Variants in MYO5B observed in about 807,000 individuals in gnomAD.
The protein encoded by MYO5B is unconventional myosin-Vb.
Under a neutral mutation model 229.3 loss-of-function variants are expected in MYO5B, and 143 were observed. That is an observed-to-expected ratio of 0.62 (90% CI 0.54 to 0.72). MYO5B has a LOEUF of 0.72. Among genes scored for constraint, MYO5B ranks in the 30% least tolerant of loss-of-function variants. The pLI is 0.00. For synonymous variants in MYO5B, 918 were observed against 885.2 expected, an observed-to-expected ratio of 1.04 and a Z score of -0.66; for missense variants, 2,321 against 2,331.0, an observed-to-expected ratio of 1.00 and a Z score of 0.09.
At chr18:49,923,553 A>G (rs943896878) in intron 17 of MYO5B, among the ~76,000 whole-genome samples, 1 of 152,186 alleles carries the variant, frequency 6.6e-6, no homozygotes, top group African/African-American at 2.4e-5. Context: ...GGCGACACAC[A>G]CTGTCACTCT....
At chr18:50,187,621 T>TAGGA in intron 1 of MYO5B, among the ~76,000 whole-genome samples, 1 of 151,998 alleles carries the variant, frequency 6.6e-6, no homozygotes, top group Admixed American at 6.6e-5. Context: ...GCTCAAGCAA[T>TAGGA]CCTCCCACCT....
chr18:49,912,207 A>G, intron 17 of MYO5B, 34 bp from the exon 18 acceptor site: 1 of 1,543,784 alleles, frequency 6.5e-7, no homozygotes, highest in South Asian at 1.1e-5. Flanking sequence ...CAGGTGACAC[A>G]TCCTGCCTCT....
intron 1 of MYO5B, among the ~76,000 whole-genome samples, chr18:50,080,687 T>TAC (rs2031198961): frequency 6.6e-6 from 1 of 152,214 alleles, no homozygotes; most frequent in Admixed American, 6.5e-5. Flanking sequence ...AATGGAGTTA[T>TAC]ACTAAACAAT....
chr18:50,037,593 A>AAATG (rs1476779040), intron 3 of MYO5B, among the ~76,000 whole-genome samples: 1 of 152,230 alleles, frequency 6.6e-6, no homozygotes, highest in African/African-American at 2.4e-5. Context: ...TCCTAAGGAA[A>AAATG]AATGATGAAT....
intron 3 of MYO5B, among the ~76,000 whole-genome samples, chr18:50,039,011 C>T (rs776472853): frequency 1.4e-4 from 21 of 152,200 alleles, no homozygotes; most frequent in African/African-American, 4.3e-4. Flanking sequence ...CTCACCCTAA[C>T]TTAGCAGCTA....
At chr18:50,068,049 A>ACACACG (rs1441052619) in intron 1 of MYO5B, among the ~76,000 whole-genome samples, 1 of 151,536 alleles carries the variant, frequency 6.6e-6, no homozygotes, top group Non-Finnish European at 1.5e-5. Context: ...ACATATACAC[A>ACACACG]CACACACACA....
intron 1 of MYO5B, among the ~76,000 whole-genome samples, chr18:50,133,378 G>A (rs1246056030): frequency 6.6e-6 from 1 of 152,178 alleles, no homozygotes; most frequent in Non-Finnish European, 1.5e-5. Flanking sequence ...CCTTAAACGA[G>A]GCTAATGTTT....
chr18:50,049,802 C>T (rs572706283), intron 2 of MYO5B, among the ~76,000 whole-genome samples: 55 of 152,206 alleles, frequency 3.6e-4, no homozygotes, highest in African/African-American at 1.3e-3. Context: ...GCAAAGCATC[C>T]TAATCTATGG....
chr18:50,105,635 CTTTT>C (rs572686430), intron 1 of MYO5B, among the ~76,000 whole-genome samples: 4 of 146,018 alleles, frequency 2.7e-5, no homozygotes, highest in Admixed American at 6.8e-5. Context: ...GGGTGCATTT[CTTTT>C]TTTTTTTCTT....
At chr18:49,849,855 A>AAAAGC in intron 31 of MYO5B, 195 bp from the exon 32 acceptor site, 1 of 630,972 alleles carries the variant, frequency 1.6e-6, no homozygotes, top group South Asian at 1.7e-5. Flanking sequence ...GAAGTGGGAG[A>AAAAGC]TGATGAGTCA....
chr18:49,853,778 GAA>G, intron 30 of MYO5B, 131 bp from the exon 31 acceptor site: 3 of 813,790 alleles, frequency 3.7e-6, no homozygotes, highest in Non-Finnish European at 6.0e-6. Flanking sequence ...CCAGAGGGAT[GAA>G]TGCAGCAGGA....
intron 1 of MYO5B, among the ~76,000 whole-genome samples, chr18:50,173,305 C>T (rs926587256): frequency 9.3e-5 from 14 of 149,768 alleles, no homozygotes; most frequent in South Asian, 2.1e-4. Context: ...GAGGCCAGTG[C>T]GGATGGATGC....
At chr18:50,179,200 G>C (rs190979412) in intron 1 of MYO5B, among the ~76,000 whole-genome samples, 3 of 152,162 alleles carry the variant, frequency 2.0e-5, no homozygotes, top group Non-Finnish European at 4.4e-5. Context: ...TTTAGACTCA[G>C]GCAGAAGGAT....
At chr18:50,028,445 T>C (rs975292173) in intron 4 of MYO5B, among the ~76,000 whole-genome samples, 1 of 151,934 alleles carries the variant, frequency 6.6e-6, no homozygotes, top group Admixed American at 6.6e-5. Flanking sequence ...GGTGGCCAGA[T>C]AGGAGAGTGT....
At chr18:49,834,482 C>G (rs978102270) in intron 39 of MYO5B, among the ~76,000 whole-genome samples, 1 of 152,186 alleles carries the variant, frequency 6.6e-6, no homozygotes. Flanking sequence ...GTCACAGTTA[C>G]TATCACATGC....
intron 1 of MYO5B, among the ~76,000 whole-genome samples, chr18:50,147,254 A>C (rs2032518270): frequency 1.3e-5 from 2 of 152,010 alleles, no homozygotes; most frequent in South Asian, 4.1e-4. Flanking sequence ...CCAAGTCAGG[A>C]TCCTAGGAGT....
chr18:50,133,504 T>C (rs1160420270), intron 1 of MYO5B, among the ~76,000 whole-genome samples: 1 of 152,184 alleles, frequency 6.6e-6, no homozygotes, highest in Non-Finnish European at 1.5e-5. Flanking sequence ...CAGACACAAC[T>C]GCTGAAGCTG....
intron 1 of MYO5B, among the ~76,000 whole-genome samples, chr18:50,177,655 G>T (rs1480519379): frequency 6.6e-6 from 1 of 152,240 alleles, no homozygotes; most frequent in Non-Finnish European, 1.5e-5. Context: ...CTTTTTAACT[G>T]CTCAGAGAGA....
At chr18:49,998,809 A>T (rs1568064661) in intron 5 of MYO5B, among the ~76,000 whole-genome samples, 1 of 152,224 alleles carries the variant, frequency 6.6e-6, no homozygotes, top group Non-Finnish European at 1.5e-5. Context: ...TACCTAGAAT[A>T]GGCAAATTCA....
Sources: allele counts gnomAD v4.1 joint callset (sites outside exome capture counted in the v4.1 genomes callset), GRCh38; gene constraint gnomAD v4.1.1; transcripts MANE v1.5; gene names NCBI Gene and HGNC (gene_info 2026-07-23, HGNC 2026-07-21).